The following CSMD3 variants were observed in gnomAD, a reference collection of about 807,000 sequenced individuals.
CSMD3 encodes CUB and Sushi multiple domains 3.
A neutral mutation model predicts 435.2 loss-of-function variants in CSMD3; 177 were observed. The observed-to-expected ratio is 0.41, with a 90% CI of 0.36 to 0.46. The LOEUF (loss-of-function observed/expected upper bound fraction) is 0.46, where lower values mean the gene tolerates loss of function less well. CSMD3 is among the 20% of genes least tolerant of loss of function. CSMD3 has a pLI of 0.34. For synonymous variants in CSMD3, 1,656 were observed against 1,520.5 expected, an observed-to-expected ratio of 1.09 and a Z score of -2.07; for missense variants, 4,265 against 4,504.6, an observed-to-expected ratio of 0.95 and a Z score of 1.52.
chr8:112,491,151 T>A (rs556892257), intron 31 of CSMD3, among the ~76,000 whole-genome samples: 1 of 152,262 alleles, frequency 6.6e-6, no homozygotes, highest in South Asian at 2.1e-4. Flanking sequence ...TTCTTATAAG[T>A]GAATACATTC....
In CSMD3 at chr8:112,319,460, A is replaced by G. The variant is rs561628682; in HGVS notation, c.7246+441T>C. On this transcript the variant is annotated intron_variant, in intron 46 of 70. Transcript: ENST00000297405. ...GAATTTCCAACTCAGTTTTAAAGCA[A>G]CTTTATGATTAAATTGAGTAGAATC... Among the ~76,000 whole-genome samples the G allele has an allele frequency of 3.3e-5, 5 of 152,266 alleles. 1 individual carries two copies. The South Asian group carries it at 1.0e-3, about 31-fold the overall frequency.
At chr8:112,955,094 A>C (rs2083966863) in intron 7 of CSMD3, among the ~76,000 whole-genome samples, 1 of 151,696 alleles carries the variant, frequency 6.6e-6, no homozygotes, top group Non-Finnish European at 1.5e-5. Flanking sequence ...CTTTTACGGA[A>C]TAAATTAAAC....
intron 27 of CSMD3, among the ~76,000 whole-genome samples, chr8:112,536,827 T>A (rs1397360975): frequency 6.6e-6 from 1 of 152,016 alleles, no homozygotes; most frequent in East Asian, 1.9e-4. Flanking sequence ...CACCATGGAA[T>A]ACTATGCAGC....
chr8:113,207,959 T>G (rs2132061698), intron 3 of CSMD3, among the ~76,000 whole-genome samples: 1 of 152,314 alleles, frequency 6.6e-6, no homozygotes, highest in South Asian at 2.1e-4. Flanking sequence ...CGGCCAATGA[T>G]TAGCTCTCTG....
At chr8:112,620,225 T>C (rs1384546819) in intron 22 of CSMD3, among the ~76,000 whole-genome samples, 6 of 152,188 alleles carry the variant, frequency 3.9e-5, no homozygotes, top group African/African-American at 9.6e-5. Flanking sequence ...ATTTAGTTCC[T>C]ACTTTGGGAA....
chr8:113,181,250 T>C (rs546961393), intron 3 of CSMD3, among the ~76,000 whole-genome samples: 12 of 151,976 alleles, frequency 7.9e-5, no homozygotes, highest in Non-Finnish European at 1.8e-4. Flanking sequence ...AATATTTAGA[T>C]AAGTCTCAGG....
intron 65 of CSMD3, 43 bp downstream of exon 65, chr8:112,244,351 G>A (rs2130105071): frequency 1.3e-6 from 2 of 1,491,016 alleles, no homozygotes; most frequent in African/African-American, 1.4e-5. Flanking sequence ...GAAAGCAATA[G>A]TGCAATCTCT....
chr8:113,146,728 G>A (rs1464239085), intron 4 of CSMD3, among the ~76,000 whole-genome samples: 4 of 151,524 alleles, frequency 2.6e-5, no homozygotes, highest in Admixed American at 6.6e-5. Context: ...GCTGACTGAT[G>A]TCATTTTATT....
intron 32 of CSMD3, among the ~76,000 whole-genome samples, chr8:112,458,553 A>G (rs1307928439): frequency 2.0e-5 from 3 of 152,124 alleles, no homozygotes; most frequent in African/African-American, 7.2e-5. Flanking sequence ...TATAATTTTT[A>G]AAGTAATTAT....
At position 112,234,495 on chromosome 8, in the gene CSMD3, A is replaced by G; in HGVS notation, c.10628-18T>C. On this transcript the variant is annotated intron_variant, in intron 67 of 70. Transcript: ENST00000297405. The stretch of plus-strand genomic sequence containing the variant: ...ATATACCCCTGTAAAATGCAAGGAC[A>G]TTTTAGTCTACTTAACTTTGTAAAT... The G allele has an allele frequency of 7.4e-7, 1 of 1,355,964 alleles. No individual in the cohort carries two copies. Among genetic ancestry groups the G allele is most frequent in the Non-Finnish European group, 1.1e-6 (1 of 944,962 alleles). 84.0% of individuals were successfully genotyped at this position (1,355,964 alleles called of 1,614,324 possible). A position where few individuals can be genotyped will look rare whatever the true frequency, so the allele number is the denominator to read the frequency against.
intron 1 of CSMD3, among the ~76,000 whole-genome samples, chr8:113,316,219 G>A (rs939304947): frequency 4.6e-5 from 7 of 152,090 alleles, no homozygotes; most frequent in African/African-American, 1.4e-4. Context: ...GAGTCCTACA[G>A]GAAGCTGAAG....
At chr8:112,583,249 A>G (rs576866049) in intron 23 of CSMD3, among the ~76,000 whole-genome samples, 5 of 152,134 alleles carry the variant, frequency 3.3e-5, no homozygotes, top group African/African-American at 1.2e-4. Context: ...ACTAGTTTCT[A>G]TCTACTGAAA....
At chr8:112,269,219 A>G (rs1311015158) in intron 59 of CSMD3, among the ~76,000 whole-genome samples, 1 of 152,064 alleles carries the variant, frequency 6.6e-6, no homozygotes, top group Non-Finnish European at 1.5e-5. Flanking sequence ...TGTAAGACTA[A>G]CCCCATCTTC....
At chr8:112,631,404 G>A (rs1024791011) in intron 22 of CSMD3, among the ~76,000 whole-genome samples, 10 of 151,852 alleles carry the variant, frequency 6.6e-5, no homozygotes, top group Non-Finnish European at 1.3e-4. Flanking sequence ...GCCCACCCCT[G>A]GTCTATTGTA....
chr8:112,781,011 C>G (rs1013288094), intron 13 of CSMD3, among the ~76,000 whole-genome samples: 1 of 152,012 alleles, frequency 6.6e-6, no homozygotes, highest in South Asian at 2.1e-4. Context: ...CTTCTGTCAC[C>G]CACCCCTAAC....
chr8:112,542,346 A>G (rs1373840762), intron 27 of CSMD3, among the ~76,000 whole-genome samples: 2 of 125,380 alleles, frequency 1.6e-5, no homozygotes, highest in Admixed American at 9.1e-5. Flanking sequence ...CTCCAAAATG[A>G]AAAAAAAAAA....
Position 112,556,908 on chromosome 8 carries a change from T to A in CSMD3, c.4089A>T (p.Gly1363=). Residue 1363 remains glycine (G), a synonymous_variant, in exon 25 of 71, where the codon GGA becomes GGT. Coordinates refer to ENST00000297405, the MANE Select transcript of CSMD3 (RefSeq NM_198123.2). ...HCEDPGIPQF[G]YKISDQGHFA... ...AGTGGCCTTGGTCACTGATCTTGTA[T>A]CCAAATTGTGGAATGCCAGGATCTT... The A allele has an allele frequency of 6.2e-7, 1 of 1,612,318 alleles. No individual in the cohort carries two copies. Among genetic ancestry groups the A allele is most frequent in the Non-Finnish European group, 8.5e-7 (1 of 1,178,952 alleles).
At chr8:112,290,662 A>C (rs1354542284) in intron 56 of CSMD3, among the ~76,000 whole-genome samples, 1 of 152,018 alleles carries the variant, frequency 6.6e-6, no homozygotes, top group Admixed American at 6.6e-5. Context: ...AATGAAGCAT[A>C]ATCATAAAAT....
At chr8:113,192,175 A>G (rs2092595720) in intron 3 of CSMD3, among the ~76,000 whole-genome samples, 1 of 151,664 alleles carries the variant, frequency 6.6e-6, no homozygotes. Context: ...AACCATGTAC[A>G]TTAGGATTTG....
Sources: gnomAD v4.1 joint callset for allele counts (sites outside exome capture counted in the v4.1 genomes callset) on GRCh38, gnomAD v4.1.1 for gene constraint, MANE v1.5 for transcripts, NCBI Gene and HGNC (gene_info 2026-07-23, HGNC 2026-07-21) for gene names.